Variants in PREX2 observed in about 807,000 individuals in gnomAD.
The protein encoded by PREX2 is phosphatidylinositol-3,4,5-trisphosphate dependent Rac exchange factor 2.
In PREX2, 107 loss-of-function variants were observed where a neutral mutation model predicts 203.2. That is an observed-to-expected ratio of 0.53 (90% CI 0.45 to 0.62). The LOEUF (loss-of-function observed/expected upper bound fraction) is 0.62, where lower values mean the gene tolerates loss of function less well. Among genes scored for constraint, PREX2 ranks in the 20% least tolerant of loss-of-function variants. PREX2 has a pLI of 0.00. For missense variants in PREX2, 1,777 were observed against 1,955.9 expected (o/e 0.91, Z 1.72); for synonymous variants, 672 against 663.6 (o/e 1.01, Z -0.19).
chr8:68,029,397 A>G (rs895760927), intron 5 of PREX2, among the ~76,000 whole-genome samples: 2 of 152,124 alleles, frequency 1.3e-5, no homozygotes, highest in African/African-American at 4.8e-5. Flanking sequence ...AGAAGCCTGC[A>G]TGTCTCACTT....
At chr8:68,169,916 TAAAC>T (rs1811841494) in intron 35 of PREX2, among the ~76,000 whole-genome samples, 1 of 152,156 alleles carries the variant, frequency 6.6e-6, no homozygotes, top group African/African-American at 2.4e-5. Context: ...AACAAGTCCA[TAAAC>T]AAAGTCTTTT....
intron 32 of PREX2, among the ~76,000 whole-genome samples, 184 bp downstream of exon 32, chr8:68,134,460 T>C (rs185718172): frequency 6.6e-6 from 1 of 152,236 alleles, no homozygotes; most frequent in Admixed American, 6.5e-5. Context: ...GTAGAATGTA[T>C]TCCTTCTTTC....
chr8:67,972,562 C>T (rs1329275533), intron 1 of PREX2, among the ~76,000 whole-genome samples: 1 of 152,190 alleles, frequency 6.6e-6, no homozygotes, highest in Non-Finnish European at 1.5e-5. Context: ...TATCTTTTAA[C>T]CATACCTCTT....
intron 35 of PREX2, among the ~76,000 whole-genome samples, chr8:68,180,869 G>A (rs2129614426): frequency 6.6e-6 from 1 of 152,120 alleles, no homozygotes; most frequent in South Asian, 2.1e-4. Flanking sequence ...ACTTCTTCAG[G>A]AGAAATTTGA....
intron 31 of PREX2, among the ~76,000 whole-genome samples, chr8:68,128,218 G>A (rs1810935142): frequency 6.6e-6 from 1 of 152,130 alleles, no homozygotes; most frequent in Non-Finnish European, 1.5e-5. Context: ...TGTTGAATGA[G>A]TTACTTTTAT....
chr8:68,136,006 G>C (rs1190106894), intron 32 of PREX2, among the ~76,000 whole-genome samples: 1 of 152,100 alleles, frequency 6.6e-6, no homozygotes, highest in African/African-American at 2.4e-5. Context: ...TTCCATTATG[G>C]TGAAATGTAC....
Position 68,237,032 on chromosome 8 carries a change from A to G in PREX2, c.*5654A>G, listed in dbSNP as rs1212399041. On this transcript the variant is annotated 3_prime_UTR_variant, in exon 40 of 40. Transcript: ENST00000288368. ...AATAAAGTGAAATGTAGTATGACCA[A>G]TTCAGCTTCTTTCCATTTAAACTTA... 1.3e-5 allele frequency: 2 copies of G among 152,166 alleles called. No homozygotes were observed. Among genetic ancestry groups the G allele is most frequent in the African/African-American group, 4.8e-5 (2 of 41,440 alleles). The allele number at this position is 152,166 out of a possible 1,614,324, so 9.4% of individuals were successfully genotyped here.
At chr8:68,223,200 G>A (rs773358013) in intron 38 of PREX2, 2 of 152,206 alleles carry the variant, frequency 1.3e-5, no homozygotes, top group Non-Finnish European at 2.9e-5. Flanking sequence ...AAGGGTTAAC[G>A]TTAGGGGAAG....
intron 32 of PREX2, among the ~76,000 whole-genome samples, chr8:68,134,970 T>C (rs1474833255): frequency 6.6e-6 from 1 of 152,212 alleles, no homozygotes; most frequent in Non-Finnish European, 1.5e-5. Flanking sequence ...ATGTGTTCAC[T>C]TTAATATATA....
At chr8:68,167,293 A>G (rs1006765410) in intron 35 of PREX2, among the ~76,000 whole-genome samples, 8 of 150,302 alleles carry the variant, frequency 5.3e-5, no homozygotes, top group Non-Finnish European at 1.0e-4. Flanking sequence ...GCTTTTGTCT[A>G]CTGTCTATGG....
chr8:68,116,548 C>T (rs571517977), intron 26 of PREX2, among the ~76,000 whole-genome samples: 20 of 152,292 alleles, frequency 1.3e-4, no homozygotes, highest in Non-Finnish European at 2.4e-4. Context: ...GTGTTGGCTC[C>T]TTCTGAAGGC....
At chr8:68,040,262 A>G (rs1360269164) in intron 7 of PREX2, among the ~76,000 whole-genome samples, 1 of 151,994 alleles carries the variant, frequency 6.6e-6, no homozygotes, top group African/African-American at 2.4e-5. Context: ...CTGGGCCACA[A>G]GAATCCTCCC....
chr8:68,020,871 A>G (rs1414820519), intron 3 of PREX2, among the ~76,000 whole-genome samples: 2 of 152,136 alleles, frequency 1.3e-5, no homozygotes, highest in African/African-American at 4.8e-5. Context: ...TAGCTAAACT[A>G]TTTCTGAAGT....
chr8:68,134,361 T>TA, intron 32 of PREX2, 85 bp downstream of exon 32: 1 of 1,070,700 alleles, frequency 9.3e-7, no homozygotes, highest in Non-Finnish European at 1.4e-6. Flanking sequence ...AGTTATTTCT[T>TA]TCCCGCTGGT....
intron 37 of PREX2, among the ~76,000 whole-genome samples, chr8:68,197,146 T>G (rs1231995923): frequency 1.3e-5 from 2 of 151,618 alleles, no homozygotes; most frequent in South Asian, 4.2e-4. Flanking sequence ...ATAAGGGTGT[T>G]AATCCATTCA....
chr8:68,062,248 G>A (rs1005412194), intron 11 of PREX2, among the ~76,000 whole-genome samples: 1 of 151,932 alleles, frequency 6.6e-6, no homozygotes, highest in East Asian at 1.9e-4. Context: ...CTCCTCCTTT[G>A]CTTCCACTTT....
chr8:68,065,579 A>G (rs1202289515), intron 11 of PREX2, among the ~76,000 whole-genome samples: 2 of 152,212 alleles, frequency 1.3e-5, no homozygotes, highest in African/African-American at 2.4e-5. Flanking sequence ...TGTATTAACA[A>G]GTCTTTTGAC....
intron 6 of PREX2, among the ~76,000 whole-genome samples, chr8:68,037,345 A>G (rs140156561): frequency 8.3e-4 from 127 of 152,262 alleles, no homozygotes; most frequent in Admixed American, 4.8e-3. Context: ...TGCATTAGTT[A>G]TGATAGATTA....
chr8:68,172,507 G>T (rs1240258745), intron 35 of PREX2, among the ~76,000 whole-genome samples: 1 of 152,180 alleles, frequency 6.6e-6, no homozygotes, highest in African/African-American at 2.4e-5. Flanking sequence ...ATAATTTATA[G>T]CAATATGTGA....
Sources: gnomAD v4.1 joint callset for allele counts (sites outside exome capture counted in the v4.1 genomes callset) on GRCh38, gnomAD v4.1.1 for gene constraint, MANE v1.5 for transcripts, NCBI Gene and HGNC (gene_info 2026-07-23, HGNC 2026-07-21) for gene names.